PIK3C2G: variants seen among roughly 807,000 people sequenced by gnomAD.
The protein encoded by PIK3C2G is phosphatidylinositol 3-kinase C2 domain-containing subunit gamma.
Under a neutral mutation model 181.1 loss-of-function variants are expected in PIK3C2G, and 168 were observed. The ratio of observed to expected loss-of-function variants is 0.93; its 90% confidence interval spans 0.82 to 1.05. PIK3C2G has a LOEUF of 1.05. Ranked by LOEUF, PIK3C2G falls within the 50% of genes least tolerant of loss-of-function variation. PIK3C2G has a pLI of 0.00. For missense variants in PIK3C2G, 1,869 were observed against 1,732.8 expected, an observed-to-expected ratio of 1.08 and a Z score of -1.40; for synonymous variants, 573 against 592.2, an observed-to-expected ratio of 0.97 and a Z score of 0.47.
At chr12:18,681,167 C>T in the PIK3C2G span, among the ~76,000 whole-genome samples, 6 of 152,070 alleles carry the variant, frequency 3.9e-5, no homozygotes, top group South Asian at 1.0e-3. Context: ...GTGAGCTCCA[C>T]GGCAGCTCCT....
chr12:18,260,904 C>A (rs1948214905), upstream of PIK3C2G, among the ~76,000 whole-genome samples: 1 of 151,996 alleles, frequency 6.6e-6, no homozygotes, highest in Non-Finnish European at 1.5e-5. Flanking sequence ...ATAAACCACC[C>A]ACATCTACTT....
chr12:18,635,325 T>C (rs1949543407), intron 31 of PIK3C2G, among the ~76,000 whole-genome samples: 1 of 152,222 alleles, frequency 6.6e-6, no homozygotes, highest in Non-Finnish European at 1.5e-5. Context: ...CACTTCTTCA[T>C]GTAACTTATC....
intron 24 of PIK3C2G, among the ~76,000 whole-genome samples, chr12:18,508,588 C>A (rs1490758870): frequency 6.6e-6 from 1 of 152,102 alleles, no homozygotes; most frequent in African/African-American, 2.4e-5. Flanking sequence ...TAGAGAGAAA[C>A]CTAGCCCACA....
At chr12:18,265,375 A>G (rs1260564507) in intron 1 of PIK3C2G, among the ~76,000 whole-genome samples, 2 of 152,234 alleles carry the variant, frequency 1.3e-5, no homozygotes, top group African/African-American at 4.8e-5. Flanking sequence ...AAAAGGATTC[A>G]ATCTTTAGCA....
intron 24 of PIK3C2G, among the ~76,000 whole-genome samples, chr12:18,510,599 TTAAG>T (rs1942142693): frequency 6.6e-6 from 1 of 152,200 alleles, no homozygotes; most frequent in Non-Finnish European, 1.5e-5. Flanking sequence ...TAGCCTTGCA[TTAAG>T]TGTTTTTTGT....
chr12:18,268,569 T>C (rs1352261249), intron 1 of PIK3C2G, among the ~76,000 whole-genome samples: 1 of 152,172 alleles, frequency 6.6e-6, no homozygotes, highest in Non-Finnish European at 1.5e-5. Flanking sequence ...ACTAATTCAT[T>C]TAACTCTTAG....
intron 29 of PIK3C2G, among the ~76,000 whole-genome samples, chr12:18,588,351 A>G (rs1946898394): frequency 6.6e-6 from 1 of 152,126 alleles, no homozygotes; most frequent in South Asian, 2.1e-4. Context: ...CAAACTATGC[A>G]TCTGACAAAG....
intron 22 of PIK3C2G, 109 bp from the exon 23 acceptor site, chr12:18,503,172 A>C (rs931425347): frequency 1.5e-6 from 1 of 663,418 alleles, no homozygotes; most frequent in Non-Finnish European, 2.4e-6. Flanking sequence ...AGATTTGAAA[A>C]GGAAAGGGGT....
intron 19 of PIK3C2G, among the ~76,000 whole-genome samples, chr12:18,490,796 G>A (rs936918544): frequency 9.2e-5 from 14 of 152,114 alleles, no homozygotes; most frequent in African/African-American, 3.1e-4. Flanking sequence ...GTGATGAATT[G>A]TAATTATTTC....
At chr12:18,358,616 G>A (rs535622464) in intron 11 of PIK3C2G, 3 of 476,428 alleles carry the variant, frequency 6.3e-6, no homozygotes, top group South Asian at 4.8e-5. Context: ...CAGGACAAAA[G>A]TTAACCAAAA....
chr12:18,479,142 C>T (rs750121665), intron 18 of PIK3C2G, among the ~76,000 whole-genome samples: 4 of 151,556 alleles, frequency 2.6e-5, no homozygotes, highest in Middle Eastern at 7.0e-3. Context: ...TACATACATA[C>T]ATATACACAC....
At chr12:18,399,283 G>T (rs191977367) in intron 15 of PIK3C2G, among the ~76,000 whole-genome samples, 8 of 151,248 alleles carry the variant, frequency 5.3e-5, no homozygotes, top group Admixed American at 4.6e-4. Context: ...GAAAGTAAAC[G>T]GTTGATTACC....
intron 31 of PIK3C2G, among the ~76,000 whole-genome samples, chr12:18,638,697 G>A (rs1949706825): frequency 6.6e-6 from 1 of 151,946 alleles, no homozygotes; most frequent in Admixed American, 6.6e-5. Flanking sequence ...CCAGATATCT[G>A]GGCATCCCAC....
At chr12:18,673,351 C>T in the PIK3C2G span, among the ~76,000 whole-genome samples, 1 of 152,046 alleles carries the variant, frequency 6.6e-6, no homozygotes, top group East Asian at 1.9e-4. Flanking sequence ...TATGTCCCCA[C>T]TGAGAAAATA....
intron 26 of PIK3C2G, among the ~76,000 whole-genome samples, chr12:18,550,598 T>C (rs543007909): frequency 3.9e-5 from 6 of 152,162 alleles, no homozygotes; most frequent in South Asian, 4.1e-4. Flanking sequence ...AATTCATAGA[T>C]AGATAATTGA....
chr12:18,432,726 A>G (rs1297208012), intron 18 of PIK3C2G, among the ~76,000 whole-genome samples: 1 of 152,224 alleles, frequency 6.6e-6, no homozygotes, highest in African/African-American at 2.4e-5. Context: ...GAGTTACAGT[A>G]TTTTGAAGCC....
At chr12:18,636,587 A>G (rs73071848) in intron 31 of PIK3C2G, among the ~76,000 whole-genome samples, 6,322 of 152,224 alleles carry the variant, frequency 0.042, 142 homozygotes, top group Middle Eastern at 0.078. Flanking sequence ...ATAGCTGCAT[A>G]CCAGGTATCA....
intron 18 of PIK3C2G, among the ~76,000 whole-genome samples, chr12:18,484,521 C>T (rs1939856664): frequency 6.6e-6 from 1 of 152,178 alleles, no homozygotes; most frequent in African/African-American, 2.4e-5. Context: ...TTGATAAACA[C>T]ATATTGCAGA....
At chr12:18,510,986 T>TC (rs998552518) in intron 24 of PIK3C2G, among the ~76,000 whole-genome samples, 3 of 152,114 alleles carry the variant, frequency 2.0e-5, no homozygotes, top group Non-Finnish European at 4.4e-5. Context: ...TAGCTCCCAT[T>TC]CCCCCCAACT....
Sources: allele counts gnomAD v4.1 joint callset (sites outside exome capture counted in the v4.1 genomes callset), GRCh38; gene constraint gnomAD v4.1.1; transcripts MANE v1.5; gene names NCBI Gene and HGNC (gene_info 2026-07-23, HGNC 2026-07-21).